SPTA1: variants seen among roughly 807,000 people sequenced by gnomAD.
The protein encoded by SPTA1 is spectrin alpha, erythrocytic 1.
In SPTA1, 177 loss-of-function variants were observed where a neutral mutation model predicts 324.7. The observed-to-expected ratio is 0.55, with a 90% confidence interval of 0.48 to 0.62. SPTA1 has a LOEUF of 0.62. Ranked by LOEUF, SPTA1 falls within the 20% of genes least tolerant of loss-of-function variation. The pLI is 0.00. For synonymous variants in SPTA1, 1,195 were observed against 1,041.3 expected (o/e 1.15, Z -2.84); for missense variants, 3,162 against 2,883.6 (o/e 1.10, Z -2.21).
intron 30 of SPTA1, 151 bp from the exon 31 acceptor site, chr1:158,643,576 G>T: frequency 1.3e-6 from 1 of 792,486 alleles, no homozygotes; most frequent in Non-Finnish European, 2.1e-6. Context: ...AGGGAGGTGG[G>T]TTTCAACTTA....
rs1217306214 is a variant in SPTA1 at position 158,639,852 on chromosome 1, G to T, written c.4875+18C>A. 1 of 1,613,816 alleles carries T rather than the reference G, an allele frequency of 6.2e-7. No individual in the cohort carries two copies. Among genetic ancestry groups the T allele is most frequent in the Non-Finnish European group, 8.5e-7 (1 of 1,179,932 alleles). ...TGTATTAAACTCTTGTGTCTCTACT[G>T]TTTCCGGGTGCAATTACCTCTGAGA... On this transcript the variant is annotated intron_variant, in intron 34 of 51. Transcript: ENST00000643759.
chr1:158,660,651 C>T (rs895066426), intron 18 of SPTA1, among the ~76,000 whole-genome samples: 6 of 152,172 alleles, frequency 3.9e-5, no homozygotes, highest in Non-Finnish European at 5.9e-5. Flanking sequence ...TTTTTCTCAG[C>T]AAACTGAATT....
chr1:158,620,197 G>A lies in SPTA1; in HGVS notation c.6390C>T (p.Thr2130=), dbSNP rs756418963. Reference sequence around the variant, plus strand: ...CAATGATGTCAGATAGGTGCTTCCAGGTCCTTTCCAGCACCTCCACTGTTA... The same window carrying A: ...CAATGATGTCAGATAGGTGCTTCCAAGTCCTTTCCAGCACCTCCACTGTTA... ...TWLTVEVLER[T]WKHLSDIIEE... Residue 2130 remains threonine, a synonymous_variant, in exon 44 of 52, where the codon ACC becomes ACT. Transcript: ENST00000643759. 104 of 1,614,002 alleles carry A rather than the reference G, an allele frequency of 6.4e-5. 1 individual carries two copies. In the Middle Eastern group the frequency reaches 1.5e-3, roughly 23 times the overall value.
At chr1:158,621,593 A>T (rs998487797) in intron 43 of SPTA1, among the ~76,000 whole-genome samples, 2 of 152,250 alleles carry the variant, frequency 1.3e-5, no homozygotes, top group Non-Finnish European at 2.9e-5. Flanking sequence ...AAATTATTTT[A>T]AAAAGAAGAT....
chr1:158,680,559 G>A (rs1654729730), intron 5 of SPTA1, 24 bp downstream of exon 5: 2 of 1,613,350 alleles, frequency 1.2e-6, no homozygotes, highest in Admixed American at 1.7e-5. Context: ...TTTGCACGGA[G>A]TGAATATTTT....
chr1:158,635,811 G>T, intron 38 of SPTA1, 102 bp downstream of exon 38: 1 of 1,547,424 alleles, frequency 6.5e-7, no homozygotes, highest in Non-Finnish European at 8.9e-7. Context: ...ATAGGTAGTT[G>T]GGGATAGCAG....
intron 39 of SPTA1, among the ~76,000 whole-genome samples, chr1:158,630,943 G>A (rs1463752653): frequency 6.6e-6 from 1 of 152,050 alleles, no homozygotes; most frequent in Non-Finnish European, 1.5e-5. Context: ...CCTTACTCCT[G>A]AAAGAATGGC....
intron 10 of SPTA1, 48 bp downstream of exon 10, chr1:158,674,281 G>A (rs1654245545): frequency 6.1e-6 from 9 of 1,484,516 alleles, no homozygotes; most frequent in South Asian, 1.1e-5. Context: ...ATTATGTAAT[G>A]ACTACATATA....
At chr1:158,668,459 A>C (rs1653775115) in intron 14 of SPTA1, among the ~76,000 whole-genome samples, 1 of 152,206 alleles carries the variant, frequency 6.6e-6, no homozygotes, top group South Asian at 2.1e-4. Flanking sequence ...GCCATAACTC[A>C]TCTAGTGAAT....
chr1:158,628,557 T>C (rs1212163881), intron 39 of SPTA1, among the ~76,000 whole-genome samples: 4 of 152,212 alleles, frequency 2.6e-5, no homozygotes, highest in Non-Finnish European at 4.4e-5. Context: ...GACTACATTA[T>C]ATATTATGAC....
At chr1:158,612,265 ACT>A (rs939947517) in intron 51 of SPTA1, 2 of 170,112 alleles carry the variant, frequency 1.2e-5, no homozygotes, top group African/African-American at 4.8e-5. Context: ...GTCCTTCAAC[ACT>A]CACCCTGTGT....
At chr1:158,666,167 A>C (rs571072886) in intron 16 of SPTA1, 149 bp downstream of exon 16, 1 of 649,878 alleles carries the variant, frequency 1.5e-6, no homozygotes, top group Non-Finnish European at 2.6e-6. Context: ...TTATTACTTA[A>C]TAATCAGTGT....
At chr1:158,613,525 C>A (rs906354787) in intron 50 of SPTA1, among the ~76,000 whole-genome samples, 196 bp downstream of exon 50, 7 of 152,092 alleles carry the variant, frequency 4.6e-5, no homozygotes, top group African/African-American at 1.4e-4. Context: ...AGCTAGTCCT[C>A]GAGTTAAAGT....
rs1453175852 is a variant in SPTA1, at chr1:158,636,031, C to T, written c.5314G>A (p.Val1772Met). The T allele has an allele frequency of 1.9e-6, 3 of 1,614,088 alleles. No homozygotes were observed. The highest frequency in any genetic ancestry group is 2.7e-5 in the African/African-American group (2 of 74,936). ...LVAHEPAIQN[V>M]LDMAEKLKDK... is the part of the protein sequence containing the mutation. ...TTCAGCTTCTCTGCCATATCCAGCA[C>T]ATTCTGAAGAACAACCCCGATACAT... is the stretch of plus-strand genomic sequence containing the variant. Residue 1772 changes from valine (V) to methionine (M), a missense_variant, in exon 38 of 52, where the codon GTG becomes ATG. By Grantham distance (21) the Val-to-Met change is conservative. Coordinates refer to ENST00000643759, the MANE Select transcript of SPTA1 (RefSeq NM_003126.4).
At chr1:158,664,942 T>C (rs1323703641) in intron 16 of SPTA1, among the ~76,000 whole-genome samples, 3 of 152,230 alleles carry the variant, frequency 2.0e-5, no homozygotes, top group Non-Finnish European at 2.9e-5. Flanking sequence ...CTTTCACCTG[T>C]TTTGATCTTA....
At position 158,656,124 on chromosome 1, in the gene SPTA1, C is replaced by T. The variant is rs537157713; in HGVS notation, c.2898+440G>A. ...TCTATTATATGCACTTACTGTTAAA[C>T]ATCTGGCCTCCTAATAGACTGTAAT... is the stretch of plus-strand genomic sequence containing the variant. On this transcript the variant is annotated intron_variant, in intron 20 of 51. Coordinates refer to ENST00000643759, the MANE Select transcript of SPTA1 (RefSeq NM_003126.4). Among the ~76,000 whole-genome samples the T allele has an allele frequency of 2.6e-5, 4 of 152,298 alleles. No individual in the cohort carries two copies. The South Asian group carries it at 8.3e-4, about 32-fold the overall frequency.
chr1:158,683,626 C>G, intron 2 of SPTA1, 130 bp from the exon 3 acceptor site: 1 of 1,183,160 alleles, frequency 8.5e-7, no homozygotes, highest in South Asian at 1.3e-5. Context: ...GAGTATTTTC[C>G]TGTCCCCACT....
chr1:158,623,225 G>GA, intron 42 of SPTA1, 33 bp from the exon 43 acceptor site: 1 of 1,588,052 alleles, frequency 6.3e-7, no homozygotes, highest in Non-Finnish European at 8.6e-7. Flanking sequence ...CCGTGAACAA[G>GA]AAAATGGTGC....
chr1:158,644,715 A>T (rs1181738091), intron 29 of SPTA1, among the ~76,000 whole-genome samples: 1 of 152,142 alleles, frequency 6.6e-6, no homozygotes, highest in Non-Finnish European at 1.5e-5. Context: ...ACAACCACTT[A>T]CTTCCCCCAA....
Sources: gnomAD v4.1 joint callset for allele counts (sites outside exome capture counted in the v4.1 genomes callset) on GRCh38, gnomAD v4.1.1 for gene constraint, MANE v1.5 for transcripts, NCBI Gene and HGNC (gene_info 2026-07-23, HGNC 2026-07-21) for gene names.